Variants in GRM8 observed in about 807,000 individuals in gnomAD.
The protein encoded by GRM8 is metabotropic glutamate receptor 8.
In GRM8, 47 loss-of-function variants were observed where a neutral mutation model predicts 87.2. The observed-to-expected ratio is 0.54, with a 90% CI of 0.43 to 0.69. GRM8 has a LOEUF of 0.69. Among genes scored for constraint, GRM8 ranks in the 30% least tolerant of loss-of-function variants. The pLI, the probability that GRM8 is intolerant of heterozygous loss-of-function variation, is 0.00. For synonymous variants in GRM8, 396 were observed against 404.5 expected (o/e 0.98, Z 0.25); for missense variants, 1,019 against 1,139.2 (o/e 0.89, Z 1.52).
At chr7:127,239,525 T>C (rs1798166560) in intron 2 of GRM8, among the ~76,000 whole-genome samples, 1 of 152,230 alleles carries the variant, frequency 6.6e-6, no homozygotes, top group African/African-American at 2.4e-5. Flanking sequence ...TCCTAAAACT[T>C]ACTTTTACTC....
At chr7:126,638,463 G>C (rs1245066568) in intron 7 of GRM8, among the ~76,000 whole-genome samples, 1 of 152,140 alleles carries the variant, frequency 6.6e-6, no homozygotes, top group East Asian at 1.9e-4. Flanking sequence ...TATTAGCACA[G>C]ACAACTTTAT....
intron 8 of GRM8, among the ~76,000 whole-genome samples, chr7:126,585,601 A>G (rs1329916637): frequency 7.9e-5 from 12 of 152,332 alleles, no homozygotes; most frequent in South Asian, 6.2e-4. Flanking sequence ...CTCAATAGAC[A>G]CAGAAAATGC....
intron 6 of GRM8, among the ~76,000 whole-genome samples, chr7:126,785,460 C>A (rs1057377501): frequency 2.6e-5 from 4 of 152,076 alleles, no homozygotes; most frequent in African/African-American, 7.2e-5. Flanking sequence ...TTAGAACCCA[C>A]GATTTTTAGG....
chr7:126,522,943 A>G (rs1349922105), intron 9 of GRM8, among the ~76,000 whole-genome samples: 2 of 152,328 alleles, frequency 1.3e-5, no homozygotes, highest in East Asian at 3.9e-4. Flanking sequence ...ATTTTTCTGA[A>G]TACCAAACAA....
chr7:127,052,103 G>GA (rs1327423637), intron 3 of GRM8, among the ~76,000 whole-genome samples: 2 of 151,382 alleles, frequency 1.3e-5, no homozygotes, highest in South Asian at 2.1e-4. Flanking sequence ...TTTTTGATAA[G>GA]AAAAAAAAAT....
intron 3 of GRM8, chr7:127,076,289 A>C: frequency 2.3e-6 from 1 of 440,048 alleles, no homozygotes; most frequent in East Asian, 7.0e-5. Flanking sequence ...GCTGTAATAT[A>C]CATTAAACAG....
chr7:126,801,391 G>T (rs1042307298), intron 6 of GRM8, among the ~76,000 whole-genome samples: 1 of 75,280 alleles, frequency 1.3e-5, no homozygotes, highest in African/African-American at 3.2e-5. Context: ...AAAAATTTAT[G>T]ATCTAGATCT....
intron 9 of GRM8, among the ~76,000 whole-genome samples, chr7:126,449,582 C>T (rs561415391): frequency 4.0e-5 from 6 of 151,852 alleles, no homozygotes; most frequent in South Asian, 2.1e-4. Flanking sequence ...TCTGACTATA[C>T]GATGTTGAGG....
At chr7:127,022,384 A>G (rs1353198373) in intron 3 of GRM8, among the ~76,000 whole-genome samples, 3 of 152,040 alleles carry the variant, frequency 2.0e-5, no homozygotes, top group African/African-American at 7.2e-5. Flanking sequence ...TCCATTGCAA[A>G]TGTCAACTTA....
intron 9 of GRM8, among the ~76,000 whole-genome samples, chr7:126,449,130 C>T (rs1802335576): frequency 6.6e-6 from 1 of 151,760 alleles, no homozygotes. Context: ...GAATATGTTC[C>T]AGTAGACCTG....
chr7:127,159,217 A>G (rs965402293), intron 2 of GRM8, among the ~76,000 whole-genome samples: 1 of 152,262 alleles, frequency 6.6e-6, no homozygotes, highest in Admixed American at 6.5e-5. Context: ...TCTGATCTAC[A>G]TACAGTTCTT....
chr7:126,826,561 G>A (rs1794822354), intron 6 of GRM8, among the ~76,000 whole-genome samples: 3 of 152,134 alleles, frequency 2.0e-5, no homozygotes, highest in Admixed American at 2.0e-4. Flanking sequence ...AATTTTTGAT[G>A]GGGTTGTTTT....
chr7:126,747,400 T>C (rs1016148592), intron 7 of GRM8, among the ~76,000 whole-genome samples: 3 of 152,044 alleles, frequency 2.0e-5, no homozygotes, highest in Admixed American at 6.6e-5. Flanking sequence ...TACACATTCA[T>C]GTTACCTGTT....
chr7:126,665,880 T>C (rs1805707734), intron 7 of GRM8, among the ~76,000 whole-genome samples: 1 of 152,130 alleles, frequency 6.6e-6, no homozygotes. Context: ...TTTTCAATAA[T>C]CTTCTTGATA....
At chr7:126,818,466 C>A (rs190228950) in intron 6 of GRM8, among the ~76,000 whole-genome samples, 2 of 152,190 alleles carry the variant, frequency 1.3e-5, no homozygotes, top group East Asian at 3.9e-4. Flanking sequence ...ACAAGGATAA[C>A]CTCTTCTTGC....
At chr7:126,714,037 C>T (rs1348206896) in intron 7 of GRM8, among the ~76,000 whole-genome samples, 2 of 150,874 alleles carry the variant, frequency 1.3e-5, no homozygotes, top group South Asian at 2.1e-4. Context: ...TTTGGGAGGT[C>T]GAGGCGGGCG....
chr7:126,546,997 A>G (rs1328144585), intron 8 of GRM8, among the ~76,000 whole-genome samples: 1 of 152,200 alleles, frequency 6.6e-6, no homozygotes, highest in East Asian at 1.9e-4. Flanking sequence ...TGAGTTTTCC[A>G]GTTCTTTTTT....
At chr7:127,198,967 G>C (rs1437969739) in intron 2 of GRM8, among the ~76,000 whole-genome samples, 1 of 151,258 alleles carries the variant, frequency 6.6e-6, no homozygotes, top group Non-Finnish European at 1.5e-5. Flanking sequence ...CAGCCTTCCT[G>C]AGTAGCTGGG....
rs181719384 is a variant in GRM8, at chr7:126,620,229, A to G, written c.1358-10731T>C. On this transcript the variant is annotated intron_variant, in intron 7 of 10. Coordinates refer to ENST00000339582, the MANE Select transcript of GRM8 (RefSeq NM_000845.3). ...CTTGAGACCAGGAGCTTGAGGTTACAGTGAACTAGAATTGCGCTACTGCAC... is the reference window on the plus strand; with the variant it reads ...CTTGAGACCAGGAGCTTGAGGTTACGGTGAACTAGAATTGCGCTACTGCAC... 2.1e-3 allele frequency among the ~76,000 whole-genome samples: 314 copies of G among 152,326 alleles called. 1 individual carries two copies. The highest frequency in any genetic ancestry group is 3.6e-3 in the Non-Finnish European group (246 of 68,036).
Sources: gnomAD v4.1 joint callset for allele counts (sites outside exome capture counted in the v4.1 genomes callset) on GRCh38, gnomAD v4.1.1 for gene constraint, MANE v1.5 for transcripts, NCBI Gene and HGNC (gene_info 2026-07-23, HGNC 2026-07-21) for gene names.